The following POGZ variants were observed in gnomAD, a reference collection of about 807,000 sequenced individuals.
The protein encoded by POGZ is pogo transposable element with ZNF domain.
A neutral mutation model predicts 134.6 loss-of-function variants in POGZ; 17 were observed. The observed-to-expected ratio is 0.13, with a 90% CI of 0.09 to 0.19. POGZ has a LOEUF of 0.19. Ranked by LOEUF, POGZ falls within the 10% of genes least tolerant of loss-of-function variation. The pLI is 1.00. For missense variants in POGZ, 1,306 were observed against 1,769.7 expected, an observed-to-expected ratio of 0.74 and a Z score of 4.70; for synonymous variants, 693 against 657.1, an observed-to-expected ratio of 1.05 and a Z score of -0.84.
At chr1:151,445,826 T>C (rs1661182410) in intron 1 of POGZ, among the ~76,000 whole-genome samples, 1 of 151,968 alleles carries the variant, frequency 6.6e-6, no homozygotes. Flanking sequence ...TAACTCAGGG[T>C]CTAAAAGATA....
Position 151,406,627 on chromosome 1 carries a change from G to C in POGZ, c.2550C>G (p.Leu850=), listed in dbSNP as rs1317584830. ...GTTACCTTGAGTGAGCTATCCAAGT[G>C]AGTCCTATGGAAAATGAAACAACAA... ...HRSSSILPRG[L]TWIAHSRHGQ... The change falls in exon 18 of 19, where the codon CTC becomes CTG. Residue 850 remains leucine, a synonymous_variant. Transcript: ENST00000271715. 5 of 1,608,512 alleles carry C rather than the reference G, an allele frequency of 3.1e-6. No individual in the cohort carries two copies. In the South Asian group the frequency reaches 5.5e-5, roughly 18 times the overall value.
Position 151,408,174 on chromosome 1 carries a change from G to A in POGZ, c.2301C>T (p.Phe767=), listed in dbSNP as rs1654017224. 2 of 1,613,440 alleles carry A rather than the reference G, an allele frequency of 1.2e-6. No individual in the cohort carries two copies. The highest frequency in any genetic ancestry group is 4.5e-5 in the East Asian group (2 of 44,882). ...ACAGAGAGCAGTGTACGTAAGTAGG[G>A]AAATGATTAGGGAAGTCTGGGATCT... The part of the protein sequence containing the change: ...SFEIPDFPNH[F]PTYVHCSLCR... The change falls in exon 15 of 19, where the codon TTC becomes TTT. Residue 767 remains phenylalanine (F), a synonymous_variant. Coordinates refer to ENST00000271715, the MANE Select transcript of POGZ (RefSeq NM_015100.4).
rs1654850115 is a variant in POGZ, at chr1:151,412,535, TAAATGGCTCCAC to T, written c.1679-151_1679-140del. On this transcript the variant is annotated intron_variant, in intron 10 of 18. Transcript: ENST00000271715. ...TCATAGGTCCCTTCTGTTCTTTCTT[TAAATGGCTCCAC>T]CTTAACATATATGTTGCTGATAATC... 17 of 593,278 alleles carry T rather than the reference TAAATGGCTCCAC, an allele frequency of 2.9e-5. No homozygotes were observed. In the South Asian group the frequency reaches 3.1e-4, roughly 11 times the overall value. 36.8% of individuals were successfully genotyped at this position (593,278 alleles called of 1,614,324 possible).
chr1:151,438,895 G>A (rs1660067876), intron 3 of POGZ: 1 of 151,786 alleles, frequency 6.6e-6, no homozygotes, highest in Non-Finnish European at 1.5e-5. Flanking sequence ...AAAAAAAAAA[G>A]AAGATGCACA....
At chr1:151,424,366 T>G in intron 8 of POGZ, 80 bp from the exon 9 acceptor site, 1 of 891,264 alleles carries the variant, frequency 1.1e-6, no homozygotes, top group Non-Finnish European at 1.7e-6. Context: ...TACCATTCCT[T>G]GTTAACGGTT....
chr1:151,430,751 A>G lies in POGZ; in HGVS notation c.374T>C (p.Val125Ala). The G allele has an allele frequency of 6.2e-7, 1 of 1,606,094 alleles. No individual in the cohort carries two copies. The highest frequency in any genetic ancestry group is 1.4e-5 in the African/African-American group (1 of 74,056). ...CTGCATGACCTGAACAGGCCTCAATACTGGTTGAGTAACCATTGTGCCCAG... is the reference window on the plus strand; with the variant it reads ...CTGCATGACCTGAACAGGCCTCAATGCTGGTTGAGTAACCATTGTGCCCAG... ...PGLGTMVTQP[V>A]LRPVQVMQNA... The change falls in exon 4 of 19, where the codon GTA becomes GCA. Residue 125 changes from valine to alanine, a missense_variant. Around this residue, in one of 10 missense-constraint regions of POGZ, gnomAD observed 541 missense variants for 680.5 expected, o/e 0.80. Coordinates refer to ENST00000271715, the MANE Select transcript of POGZ (RefSeq NM_015100.4).
chr1:151,434,628 G>A (rs1435559150), intron 3 of POGZ, among the ~76,000 whole-genome samples: 1 of 152,154 alleles, frequency 6.6e-6, no homozygotes, highest in Non-Finnish European at 1.5e-5. Context: ...CTGTCACCAG[G>A]GTGGAGTGCA....
At chr1:151,414,079 TAAG>T (rs1443109960) in intron 10 of POGZ, among the ~76,000 whole-genome samples, 8 of 152,096 alleles carry the variant, frequency 5.3e-5, no homozygotes, top group Admixed American at 1.3e-4. Context: ...CATGGATAAA[TAAG>T]AAATTCTGCA....
chr1:151,426,805 G>A (rs1657865224), intron 7 of POGZ: 1 of 152,042 alleles, frequency 6.6e-6, no homozygotes, highest in Non-Finnish European at 1.5e-5. Context: ...TATAGTTTTA[G>A]TTCATTTAGG....
chr1:151,428,206 G>A lies in POGZ; in HGVS notation c.776C>T (p.Pro259Leu), dbSNP rs769807272. 3.1e-6 allele frequency: 5 copies of A among 1,614,120 alleles called. No individual in the cohort carries two copies. The South Asian group carries it at 4.4e-5, about 14-fold the overall frequency. Residue 259 changes from proline (P) to leucine (L), a missense_variant, in exon 6 of 19, where the codon CCC (proline) becomes CTC (leucine). By Grantham distance (98) the Pro-to-Leu change is moderately conservative. This residue lies in a region of POGZ where 541 missense variants were observed against 680.5 expected (regional missense o/e 0.80). Transcript: ENST00000271715. ...CAGTGAGGTTGGCTGTGTGGCAGTG[G>A]GAGTGGTAGAAGTGCTGGGAGTGGA... ...TKSTPSTSTT[P>L]TATQPTSLGQ...
intron 12 of POGZ, among the ~76,000 whole-genome samples, chr1:151,410,716 T>G (rs1039878714): frequency 6.6e-6 from 1 of 152,198 alleles, no homozygotes; most frequent in African/African-American, 2.4e-5. Context: ...ACAGCTACAC[T>G]TGACATCCAC....
intron 10 of POGZ, among the ~76,000 whole-genome samples, chr1:151,419,678 A>AG (rs1184232163): frequency 6.9e-6 from 1 of 144,798 alleles, no homozygotes; most frequent in Admixed American, 6.7e-5. Context: ...CAAAAAAAAA[A>AG]AAAAAAAAAA....
Position 151,405,222 on chromosome 1 carries a change from A to G in POGZ, c.3813T>C (p.Thr1271=), listed in dbSNP as rs754614315. 6.2e-7 allele frequency: 1 copy of G among 1,614,128 alleles called. No individual in the cohort carries two copies. Among genetic ancestry groups the G allele is most frequent in the Non-Finnish European group, 8.5e-7 (1 of 1,179,974 alleles). The change falls in exon 19 of 19, where the codon ACT becomes ACC. Residue 1271 remains threonine, a synonymous_variant. Coordinates refer to ENST00000271715, the MANE Select transcript of POGZ (RefSeq NM_015100.4). The surrounding 1 kb of genome is among the most constrained non-coding windows in gnomAD (Gnocchi z 4.9). ...IQPLDVCIKR[T]VKNFLHKKWK... is the part of the protein sequence containing the mutation. ...ATTTTTTATGCAGGAAGTTCTTGAC[A>G]GTTCTTTTGATGCATACATCTAATG...
At chr1:151,444,169 A>G (rs1660951436) in intron 1 of POGZ, among the ~76,000 whole-genome samples, 1 of 152,146 alleles carries the variant, frequency 6.6e-6, no homozygotes. Flanking sequence ...CTTCTATTTT[A>G]ATTATTTCTG....
At chr1:151,440,828 A>G in intron 3 of POGZ, 100 bp downstream of exon 3, 1 of 897,904 alleles carries the variant, frequency 1.1e-6, no homozygotes, top group Non-Finnish European at 1.7e-6. Context: ...TAGTAGAACC[A>G]CATCTGTACC....
chr1:151,439,185 T>C (rs1660116906), intron 3 of POGZ: 2 of 152,206 alleles, frequency 1.3e-5, no homozygotes, highest in African/African-American at 4.8e-5. Context: ...GTTTAGTCAC[T>C]TAGCAACTAT....
intron 1 of POGZ, among the ~76,000 whole-genome samples, chr1:151,448,471 T>A (rs1312267221): frequency 6.6e-6 from 1 of 152,084 alleles, no homozygotes; most frequent in Non-Finnish European, 1.5e-5. Context: ...AAAATTATTT[T>A]AAAAAGATAA....
chr1:151,442,846 T>A (rs1315685391), intron 1 of POGZ, among the ~76,000 whole-genome samples: 1 of 151,762 alleles, frequency 6.6e-6, no homozygotes, highest in East Asian at 1.9e-4. Context: ...CTGGCCAACA[T>A]GGTGAAACCC....
At position 151,430,668 on chromosome 1, in the gene POGZ, G is replaced by C; in HGVS notation, c.457C>G (p.Gln153Glu). The C allele has an allele frequency of 6.2e-7, 1 of 1,604,478 alleles. No homozygotes were observed. The highest frequency in any genetic ancestry group is 8.5e-7 in the Non-Finnish European group (1 of 1,174,610). ...VASQPIFITT[Q>E]GFPVRNVRPV... ...TTGGAATTCAGAGTCCTACTCACCTGCGTAGTGATAAATATTGGTTGTGAG... is the reference window on the plus strand; with the variant it reads ...TTGGAATTCAGAGTCCTACTCACCTCCGTAGTGATAAATATTGGTTGTGAG... Residue 153 changes from glutamine to glutamate, a missense_variant and splice_region_variant, in exon 4 of 19, where the codon CAG becomes GAG. Physicochemically the swap from Gln to Glu is conservative, Grantham distance 29. Transcript: ENST00000271715.
Sources: allele counts gnomAD v4.1 joint callset (sites outside exome capture counted in the v4.1 genomes callset), GRCh38; gene constraint gnomAD v4.1.1; regional missense constraint gnomAD v4.1.1; non-coding constraint Gnocchi (gnomAD v3.1); transcripts MANE v1.5; gene names NCBI Gene and HGNC (gene_info 2026-07-23, HGNC 2026-07-21).